SYBU: variants seen among roughly 807,000 people sequenced by gnomAD.
SYBU encodes GOLSYN A protein.
Under a neutral mutation model 35.9 loss-of-function variants are expected in SYBU, and 21 were observed. The ratio of observed to expected loss-of-function variants is 0.58; its 90% CI spans 0.41 to 0.84. The LOEUF (loss-of-function observed/expected upper bound fraction) is 0.84, where lower values mean the gene tolerates loss of function less well. Among genes scored for constraint, SYBU ranks in the 40% least tolerant of loss-of-function variants. The pLI is 0.00. For missense variants in SYBU, 768 were observed against 848.2 expected, an observed-to-expected ratio of 0.91 and a Z score of 1.17; for synonymous variants, 319 against 324.3, an observed-to-expected ratio of 0.98 and a Z score of 0.18.
intron 2 of SYBU, among the ~76,000 whole-genome samples, chr8:109,640,171 A>G (rs73319190): frequency 0.048 from 7,377 of 152,244 alleles, 477 homozygotes; most frequent in African/African-American, 0.16. Context: ...TCTAGTTAAT[A>G]GCAAAAAGAT....
intron 3 of SYBU, among the ~76,000 whole-genome samples, chr8:109,591,066 C>T (rs1186250348): frequency 1.3e-5 from 2 of 152,158 alleles, no homozygotes; most frequent in East Asian, 1.9e-4. Flanking sequence ...AAAAAGACAA[C>T]CTAGTTGTCC....
At chr8:109,631,929 A>G (rs918506326) in intron 2 of SYBU, among the ~76,000 whole-genome samples, 6 of 150,526 alleles carry the variant, frequency 4.0e-5, no homozygotes, top group African/African-American at 1.5e-4. Flanking sequence ...TTAAAGGCTC[A>G]GTTTTTTTTT....
At chr8:109,649,728 A>C (rs571236478), upstream of SYBU, among the ~76,000 whole-genome samples, 1 of 152,338 alleles carries the variant, frequency 6.6e-6, no homozygotes, top group South Asian at 2.1e-4. Context: ...GATATTTGTC[A>C]AAAACATAGG....
intron 3 of SYBU, among the ~76,000 whole-genome samples, chr8:109,611,415 G>C (rs1004006875): frequency 2.6e-5 from 4 of 151,664 alleles, no homozygotes; most frequent in African/African-American, 9.7e-5. Context: ...AAAGGCATGA[G>C]AGAAAATATG....
intron 1 of SYBU, among the ~76,000 whole-genome samples, chr8:109,653,743 G>T (rs910100663): frequency 6.6e-6 from 1 of 152,022 alleles, no homozygotes; most frequent in Non-Finnish European, 1.5e-5. Flanking sequence ...CATTTCTCCT[G>T]ATTGACAGAC....
intron 6 of SYBU, 91 bp downstream of exon 6, chr8:109,577,777 C>A: frequency 7.4e-7 from 1 of 1,348,340 alleles, no homozygotes; most frequent in African/African-American, 1.5e-5. Flanking sequence ...ATCATTTTTT[C>A]TTTTCTATCT....
intron 3 of SYBU, among the ~76,000 whole-genome samples, chr8:109,591,250 T>C (rs2703382): frequency 0.18 from 27,441 of 152,116 alleles, 2,835 homozygotes; most frequent in East Asian, 0.33. Context: ...TCTGCTTTTT[T>C]TGTGAATAAA....
At chr8:109,646,378 G>C (rs1428334994), upstream of SYBU, 1 of 152,206 alleles carries the variant, frequency 6.6e-6, no homozygotes, top group African/African-American at 2.4e-5. Context: ...AGTCTAGAGA[G>C]AGCCTGAAGC....
chr8:109,577,492 G>T (rs1822471019), intron 6 of SYBU, among the ~76,000 whole-genome samples: 1 of 151,962 alleles, frequency 6.6e-6, no homozygotes, highest in African/African-American at 2.4e-5. Context: ...GGCTTAATTG[G>T]TCCACGGTTG....
Position 109,623,024 on chromosome 8 carries a change from C to T in SYBU, c.230-3985G>A, listed in dbSNP as rs968833687. 2.9e-5 allele frequency among the ~76,000 whole-genome samples: 4 copies of T among 136,598 alleles called. No individual in the cohort carries two copies. In the South Asian group the frequency reaches 1.0e-3, roughly 34 times the overall value. The allele number at this position is 136,598 out of a possible 152,430, so 89.6% of individuals were successfully genotyped here. A position where few individuals can be genotyped will look rare whatever the true frequency, so the allele number is the denominator to read the frequency against. On this transcript the variant is annotated intron_variant, in intron 2 of 6. Coordinates refer to ENST00000276646, the MANE Select transcript of SYBU (RefSeq NM_001099754.2). Reference sequence around the variant, plus strand: ...GAGGAATTTACATCACAGGAGCGTGCGCGCGCGCACACACACACACACACA... The same window carrying T: ...GAGGAATTTACATCACAGGAGCGTGTGCGCGCGCACACACACACACACACA...
chr8:109,670,575 G>A (rs1816943503), intron 1 of SYBU, among the ~76,000 whole-genome samples: 1 of 151,926 alleles, frequency 6.6e-6, no homozygotes, highest in Admixed American at 6.6e-5. Flanking sequence ...GGACTATTTT[G>A]ATAAGGCTAT....
intron 2 of SYBU, among the ~76,000 whole-genome samples, chr8:109,632,319 G>A (rs1015842475): frequency 2.0e-5 from 3 of 152,200 alleles, no homozygotes; most frequent in African/African-American, 7.2e-5. Flanking sequence ...GGGATTACAG[G>A]CATGAGCCAC....
At chr8:109,664,310 G>C (rs924133587) in intron 1 of SYBU, among the ~76,000 whole-genome samples, 2 of 151,952 alleles carry the variant, frequency 1.3e-5, no homozygotes, top group African/African-American at 4.8e-5. Context: ...AGGTAGGGAA[G>C]AATGAGCCTG....
At chr8:109,600,461 TC>T (rs1386970602) in intron 3 of SYBU, among the ~76,000 whole-genome samples, 1 of 152,014 alleles carries the variant, frequency 6.6e-6, no homozygotes, top group African/African-American at 2.4e-5. Context: ...CATCACTGCA[TC>T]CCCAGAGCCA....
In SYBU at chr8:109,642,763, G is replaced by A; in HGVS notation, c.194C>T (p.Ser65Leu). 1 of 1,611,088 alleles carries A rather than the reference G, an allele frequency of 6.2e-7. No homozygotes were observed. The highest frequency in any genetic ancestry group is 8.5e-7 in the Non-Finnish European group (1 of 1,178,784). ...GCTGTTGCTGCTAACGGTCCTCGCTGAGCGCCCAGAGCTGCTGGGGTTGAA... is the reference window on the plus strand; with the variant it reads ...GCTGTTGCTGCTAACGGTCCTCGCTAAGCGCCCAGAGCTGCTGGGGTTGAA... ...REFNPSSSGR[S>L]ARTVSSNSFC... Residue 65 changes from serine to leucine, a missense_variant, in exon 2 of 7, where the codon TCA becomes TTA. Physicochemically the swap from Ser to Leu is moderately radical, Grantham distance 145. Transcript: ENST00000276646.
chr8:109,626,306 C>T (rs978823912), intron 2 of SYBU, among the ~76,000 whole-genome samples: 2 of 152,108 alleles, frequency 1.3e-5, no homozygotes, highest in Admixed American at 6.6e-5. Context: ...TTTTATTATT[C>T]AAAGATCAAC....
At chr8:109,580,402 T>C (rs1194277921) in intron 4 of SYBU, 1 of 190,942 alleles carries the variant, frequency 5.2e-6, no homozygotes, top group Non-Finnish European at 1.1e-5. Flanking sequence ...ATATTTGCAT[T>C]TGGTTCATGT....
chr8:109,597,969 C>T (rs1420201865), intron 3 of SYBU, among the ~76,000 whole-genome samples: 2 of 152,144 alleles, frequency 1.3e-5, no homozygotes, highest in African/African-American at 2.4e-5. Flanking sequence ...TGGTTTGGAG[C>T]CACTCTTTGA....
At chr8:109,606,709 C>T (rs996915270) in intron 3 of SYBU, among the ~76,000 whole-genome samples, 3 of 152,140 alleles carry the variant, frequency 2.0e-5, no homozygotes, top group African/African-American at 4.8e-5. Context: ...TAAAGTTTGA[C>T]CCCAGTGACA....
Sources: allele counts gnomAD v4.1 joint callset (sites outside exome capture counted in the v4.1 genomes callset), GRCh38; gene constraint gnomAD v4.1.1; transcripts MANE v1.5; gene names NCBI Gene and HGNC (gene_info 2026-07-23, HGNC 2026-07-21).